The following KDM5A variants were observed in gnomAD, a reference collection of about 807,000 sequenced individuals.
The protein encoded by KDM5A is lysine-specific demethylase 5A.
A neutral mutation model predicts 193.5 loss-of-function variants in KDM5A; 42 were observed. That is an observed-to-expected ratio of 0.22 (90% CI 0.17 to 0.28). The LOEUF is 0.28. KDM5A is among the 10% of genes least tolerant of loss of function. KDM5A has a pLI of 1.00. For synonymous variants in KDM5A, 796 were observed against 718.1 expected, an observed-to-expected ratio of 1.11 and a Z score of -1.73; for missense variants, 1,692 against 2,055.1, an observed-to-expected ratio of 0.82 and a Z score of 3.42.
At position 365,908 on chromosome 12, in the gene KDM5A, T is replaced by C. The variant is rs369116085; in HGVS notation, c.537+26A>G. On this transcript the variant is annotated intron_variant, in intron 4 of 27. Transcript: ENST00000399788. ...TTGGGCAAACTGGATTTATCAACTT[T>C]TTCTAAAAAGAATAATGCATCTCAC... The C allele has an allele frequency of 1.1e-5, 18 of 1,611,182 alleles. No homozygotes were observed. The East Asian group carries it at 2.7e-4, about 24-fold the overall frequency.
intron 3 of KDM5A, among the ~76,000 whole-genome samples, chr12:380,774 T>C (rs544976981): frequency 6.6e-6 from 1 of 152,138 alleles, no homozygotes; most frequent in Admixed American, 6.5e-5. Flanking sequence ...CATATTGCTA[T>C]TAATGATAAA....
rs1944144965 is a variant in KDM5A, at chr12:350,608, G to A, written c.1308+13C>T. On this transcript the variant is annotated intron_variant, in intron 10 of 27. Coordinates refer to ENST00000399788, the MANE Select transcript of KDM5A (RefSeq NM_001042603.3). The stretch of plus-strand genomic sequence containing the variant: ...CAGCTTGGGGGTAAGCAAAAGTTTG[G>A]ATAAATCTGCACCTCTTCTTCTGGC... The A allele has an allele frequency of 6.2e-7, 1 of 1,613,642 alleles. No homozygotes were observed. Among genetic ancestry groups the A allele is most frequent in the Admixed American group, 1.7e-5 (1 of 59,974 alleles).
chr12:313,288 C>T lies in KDM5A; in HGVS notation c.2898-94G>A, dbSNP rs1225447541. On this transcript the variant is annotated intron_variant, in intron 19 of 27. Coordinates refer to ENST00000399788, the MANE Select transcript of KDM5A (RefSeq NM_001042603.3). ...TAGAGAACTTTCATTTACATGATTT[C>T]ACTGAATTCTTACCACAATCCTATA... is the stretch of plus-strand genomic sequence containing the variant. The T allele has an allele frequency of 7.8e-6, 11 of 1,406,802 alleles. No homozygotes were observed. In the African/African-American group the frequency reaches 1.0e-4, roughly 13 times the overall value. 87.1% of individuals were successfully genotyped at this position (1,406,802 alleles called of 1,614,324 possible).
chr12:305,890 T>C (rs12303118), intron 24 of KDM5A, among the ~76,000 whole-genome samples: 10,680 of 151,720 alleles, frequency 0.07, 842 homozygotes, highest in East Asian at 0.35. Flanking sequence ...AAGTATTATA[T>C]TACCCATCTC....
At chr12:291,900 GCTT>G (rs1010000995) in intron 27 of KDM5A, among the ~76,000 whole-genome samples, 11 of 144,800 alleles carry the variant, frequency 7.6e-5, no homozygotes, top group African/African-American at 1.8e-4. Flanking sequence ...TTAAAACAAT[GCTT>G]TTTTTTTTTT....
intron 12 of KDM5A, among the ~76,000 whole-genome samples, chr12:332,915 T>C (rs1943882104): frequency 6.6e-6 from 1 of 152,194 alleles, no homozygotes; most frequent in African/African-American, 2.4e-5. Context: ...AAGTAGGATG[T>C]AATATTTACT....
At chr12:317,954 C>G in intron 19 of KDM5A, 152 bp downstream of exon 19, 1 of 646,630 alleles carries the variant, frequency 1.5e-6, no homozygotes, top group Admixed American at 2.6e-5. Context: ...CCTTTCCCAC[C>G]TACACAACTT....
rs749327725 is a variant in KDM5A at position 384,171 on chromosome 12, C to G, written c.244-18G>C. The G allele has an allele frequency of 1.3e-6, 2 of 1,559,436 alleles. No individual in the cohort carries two copies. The highest frequency in any genetic ancestry group is 1.8e-6 in the Non-Finnish European group (2 of 1,130,834). Reference sequence around the variant, plus strand: ...GTCATTGCCTAAGATTATTAAAATACAGAAGAACTAAGTTATGATTGAAAT... The same window carrying G: ...GTCATTGCCTAAGATTATTAAAATAGAGAAGAACTAAGTTATGATTGAAAT... On this transcript the variant is annotated intron_variant, in intron 2 of 27. Transcript: ENST00000399788.
intron 10 of KDM5A, among the ~76,000 whole-genome samples, chr12:338,597 TGG>T (rs1342795363): frequency 6.6e-6 from 1 of 152,138 alleles, no homozygotes; most frequent in Non-Finnish European, 1.5e-5. Flanking sequence ...TCACTGAACC[TGG>T]GAATGGTCTT....
Position 322,487 on chromosome 12 carries a change from C to G in KDM5A, c.2356G>C (p.Asp786His). 1.2e-6 allele frequency: 2 copies of G among 1,613,824 alleles called. No homozygotes were observed. The highest frequency in any genetic ancestry group is 1.7e-6 in the Non-Finnish European group (2 of 1,179,918). Reference sequence around the variant, plus strand: ...CAGGTCTCAGCTTCTTTTACAGCATCCCTGAGTTTTCGAAAGAGATCATTC... The same window carrying G: ...CAGGTCTCAGCTTCTTTTACAGCATGCCTGAGTTTTCGAAAGAGATCATTC... ...PENDLFRKLR[D>H]AVKEAETCAS... The change falls in exon 17 of 28, where the codon GAT becomes CAT. Residue 786 changes from aspartate (D) to histidine (H), a missense_variant. This residue lies in a region of KDM5A where 965 missense variants were observed against 1,061.0 expected (regional missense o/e 0.91). Coordinates refer to ENST00000399788, the MANE Select transcript of KDM5A (RefSeq NM_001042603.3).
Position 355,212 on chromosome 12 carries a change from T to G in KDM5A, c.816A>C (p.Ser272=). The G allele has an allele frequency of 1.9e-6, 3 of 1,613,170 alleles. No homozygotes were observed. The highest frequency in any genetic ancestry group is 2.5e-6 in the Non-Finnish European group (3 of 1,179,068). Reference sequence around the variant, plus strand: ...GTCTCATTTGCATGTTAAATGCGTCTGACCTGTTGGTAACTTTTCGTCTTC... The same window carrying G: ...GTCTCATTTGCATGTTAAATGCGTCGGACCTGTTGGTAACTTTTCGTCTTC... ...VTRRRKVTNR[S]DAFNMQMRQR... Residue 272 remains serine (S), a synonymous_variant, in exon 7 of 28, where the codon TCA becomes TCC. Coordinates refer to ENST00000399788, the MANE Select transcript of KDM5A (RefSeq NM_001042603.3).
chr12:343,617 C>A (rs999163225), intron 10 of KDM5A, among the ~76,000 whole-genome samples: 1 of 152,198 alleles, frequency 6.6e-6, no homozygotes, highest in African/African-American at 2.4e-5. Context: ...GATACCCAGG[C>A]AAACAGGGTC....
At chr12:382,791 G>A (rs561603789) in intron 3 of KDM5A, among the ~76,000 whole-genome samples, 1 of 152,114 alleles carries the variant, frequency 6.6e-6, no homozygotes, top group East Asian at 1.9e-4. Context: ...AATTAGCCTG[G>A]TGTGTTGGCA....
intron 5 of KDM5A, 111 bp from the exon 6 acceptor site, chr12:356,648 GATTTC>G: frequency 1.4e-6 from 1 of 737,648 alleles, no homozygotes; most frequent in South Asian, 1.5e-5. Context: ...CAAATTATTG[GATTTC>G]TTTTCTGTAA....
intron 2 of KDM5A, among the ~76,000 whole-genome samples, chr12:385,069 G>T (rs1944623356): frequency 6.6e-6 from 1 of 151,702 alleles, no homozygotes; most frequent in South Asian, 2.1e-4. Context: ...TGTAATCCCA[G>T]CCACTAGGGA....
At chr12:305,117 T>C (rs992218637) in intron 24 of KDM5A, among the ~76,000 whole-genome samples, 7 of 152,176 alleles carry the variant, frequency 4.6e-5, no homozygotes, top group African/African-American at 1.7e-4. Flanking sequence ...GATTTAGCAG[T>C]ACACTAAGAT....
Position 318,470 on chromosome 12 carries a change from G to C in KDM5A, c.2542-9C>G. 6.3e-7 allele frequency: 1 copy of C among 1,596,818 alleles called. No homozygotes were observed. The highest frequency in any genetic ancestry group is 1.1e-5 in the South Asian group (1 of 90,696). On this transcript the variant is annotated splice_polypyrimidine_tract_variant and intron_variant, in intron 18 of 27. Transcript: ENST00000399788. ...ACATCATCTAGCAGATTCTGAAAAG[G>C]TCAAAAGAAATAAAAATCAGAAAAA...
intron 10 of KDM5A, among the ~76,000 whole-genome samples, chr12:348,314 GA>G (rs1279918450): frequency 1.3e-5 from 2 of 152,342 alleles, no homozygotes; most frequent in African/African-American, 4.8e-5. Flanking sequence ...CTGTTGGTGG[GA>G]CTGTACACTA....
rs1180442115 is a variant in KDM5A at position 310,896 on chromosome 12, T to A, written c.3205A>T (p.Thr1069Ser). 1 of 1,614,186 alleles carries A rather than the reference T, an allele frequency of 6.2e-7. No homozygotes were observed. Among genetic ancestry groups the A allele is most frequent in the East Asian group, 2.2e-5 (1 of 44,888 alleles). The change falls in exon 21 of 28, where the codon ACA becomes TCA. Residue 1069 changes from threonine to serine, a missense_variant. Thr to Ser is a moderately conservative substitution (Grantham distance 58). Coordinates refer to ENST00000399788, the MANE Select transcript of KDM5A (RefSeq NM_001042603.3). ...RTFLKKNSSH[T>S]LLQVLSPRTD... ...TGAAGTTCAAGTACCTGTAACAATG[T>A]ATGGCTAGAATTCTTCTTAAGAAAC...
Sources: allele counts gnomAD v4.1 joint callset (sites outside exome capture counted in the v4.1 genomes callset), GRCh38; gene constraint gnomAD v4.1.1; regional missense constraint gnomAD v4.1.1; transcripts MANE v1.5; gene names NCBI Gene and HGNC (gene_info 2026-07-23, HGNC 2026-07-21).